The following NEGR1 variants were observed in gnomAD, a reference collection of about 807,000 sequenced individuals.
NEGR1 encodes the protein IgLON family member 4.
Under a neutral mutation model 40.9 loss-of-function variants are expected in NEGR1, and 10 were observed. That is an observed-to-expected ratio of 0.24 (90% CI 0.15 to 0.42). The LOEUF is 0.42. NEGR1 is among the 10% of genes least tolerant of loss of function. The pLI, the probability that NEGR1 is intolerant of heterozygous loss-of-function variation, is 1.00. For missense variants in NEGR1, 352 were observed against 438.9 expected (o/e 0.80, Z 1.77); for synonymous variants, 185 against 166.8 (o/e 1.11, Z -0.84).
chr1:71,519,726 T>C, intron 6 of NEGR1, among the ~76,000 whole-genome samples: 1 of 66,830 alleles, frequency 1.5e-5, no homozygotes, highest in Admixed American at 1.3e-4. Flanking sequence ...ACTTAGAGTA[T>C]AATAAAAAAA....
At chr1:71,700,037 A>C (rs1378695675) in intron 3 of NEGR1, among the ~76,000 whole-genome samples, 1 of 152,000 alleles carries the variant, frequency 6.6e-6, no homozygotes, top group East Asian at 1.9e-4. Context: ...GCAGTGCGAA[A>C]GCGAACTAAT....
chr1:71,831,837 G>A (rs1033819286), intron 2 of NEGR1, among the ~76,000 whole-genome samples: 2 of 151,774 alleles, frequency 1.3e-5, no homozygotes, highest in African/African-American at 4.8e-5. Context: ...GCAAGAATGA[G>A]CATACTGCTT....
At chr1:71,508,832 T>A (rs1647053216) in intron 6 of NEGR1, among the ~76,000 whole-genome samples, 1 of 152,106 alleles carries the variant, frequency 6.6e-6, no homozygotes, top group Admixed American at 6.5e-5. Flanking sequence ...TAGAATGCAG[T>A]CCTATACTTA....
intron 1 of NEGR1, among the ~76,000 whole-genome samples, chr1:72,063,352 T>C (rs1471542756): frequency 6.6e-6 from 1 of 151,786 alleles, no homozygotes; most frequent in Non-Finnish European, 1.5e-5. Flanking sequence ...GGTTTTGCCA[T>C]TGGAAGTAAT....
In NEGR1 at chr1:71,911,817, A is replaced by G. The variant is rs547979726; in HGVS notation, c.409+23262T>C. Among the ~76,000 whole-genome samples the G allele has an allele frequency of 2.0e-5, 3 of 152,346 alleles. No individual in the cohort carries two copies. The South Asian group carries it at 6.2e-4, about 32-fold the overall frequency. On this transcript the variant is annotated intron_variant, in intron 2 of 6. Transcript: ENST00000357731. ...AATTTAAAGGGTAAGCTTTGTAATT[A>G]GTCTTTAACTTGAGCCTTGGTTTTG...
At chr1:71,593,892 T>C (rs773372954) in intron 5 of NEGR1, among the ~76,000 whole-genome samples, 1 of 152,230 alleles carries the variant, frequency 6.6e-6, no homozygotes, top group Non-Finnish European at 1.5e-5. Flanking sequence ...TCTCTCTCTG[T>C]ATGTTTCTTT....
chr1:71,425,245 A>G (rs1646421522), intron 6 of NEGR1, among the ~76,000 whole-genome samples: 1 of 152,190 alleles, frequency 6.6e-6, no homozygotes, highest in African/African-American at 2.4e-5. Flanking sequence ...GGCTTAAAGC[A>G]TGGAAGAGGT....
chr1:71,884,907 A>G (rs1660683742), intron 2 of NEGR1, among the ~76,000 whole-genome samples: 1 of 152,200 alleles, frequency 6.6e-6, no homozygotes, highest in Non-Finnish European at 1.5e-5. Flanking sequence ...AGGTGTATGA[A>G]ATAATCTGAA....
chr1:71,524,212 C>T (rs987937854), intron 6 of NEGR1, among the ~76,000 whole-genome samples: 2 of 151,434 alleles, frequency 1.3e-5, no homozygotes, highest in Non-Finnish European at 3.0e-5. Context: ...GATTTACTTG[C>T]ATTTATGATT....
chr1:71,558,960 T>C (rs904742563), intron 6 of NEGR1, among the ~76,000 whole-genome samples: 1 of 149,382 alleles, frequency 6.7e-6, no homozygotes, highest in African/African-American at 2.4e-5. Context: ...TATGTATGTA[T>C]ACCAGTGCAT....
intron 6 of NEGR1, among the ~76,000 whole-genome samples, chr1:71,458,378 T>C (rs12126700): frequency 0.3 from 45,532 of 152,146 alleles, 8,334 homozygotes; most frequent in South Asian, 0.44. Context: ...CTTTGCAAAC[T>C]CACATCACTT....
At chr1:71,867,799 G>C (rs1197586999) in intron 2 of NEGR1, among the ~76,000 whole-genome samples, 1 of 152,036 alleles carries the variant, frequency 6.6e-6, no homozygotes, top group Non-Finnish European at 1.5e-5. Context: ...CTCTTAACAT[G>C]ATAGTTACTT....
chr1:72,216,402 C>CATATATATATATATACATAT (rs56767155), intron 1 of NEGR1, among the ~76,000 whole-genome samples: 1 of 119,542 alleles, frequency 8.4e-6, no homozygotes, highest in African/African-American at 3.2e-5. Flanking sequence ...TATATATATA[C>CATATATATATATATACATAT]ATATATATAT....
intron 1 of NEGR1, among the ~76,000 whole-genome samples, chr1:71,991,246 T>A (rs1175468627): frequency 6.6e-6 from 1 of 152,158 alleles, no homozygotes; most frequent in Non-Finnish European, 1.5e-5. Flanking sequence ...CAGTTAGCTC[T>A]CAAGTTGCAT....
At chr1:71,824,357 TA>T (rs200928785) in intron 2 of NEGR1, among the ~76,000 whole-genome samples, 1,484 of 143,248 alleles carry the variant, frequency 0.01, 17 homozygotes, top group East Asian at 0.047. Context: ...GATAAGATCA[TA>T]AAAAAAAAAA....
chr1:71,927,502 T>C (rs2101888786), intron 2 of NEGR1, among the ~76,000 whole-genome samples: 1 of 152,248 alleles, frequency 6.6e-6, no homozygotes, highest in African/African-American at 2.4e-5. Flanking sequence ...GGAAATAATC[T>C]TGCTAAAGTC....
intron 1 of NEGR1, among the ~76,000 whole-genome samples, chr1:72,104,194 C>G (rs1006251754): frequency 2.0e-5 from 3 of 151,966 alleles, no homozygotes; most frequent in African/African-American, 7.2e-5. Flanking sequence ...TGTCCTAATC[C>G]CTAGAACTTT....
intron 2 of NEGR1, among the ~76,000 whole-genome samples, chr1:71,819,321 T>C (rs1007797959): frequency 6.6e-6 from 1 of 151,946 alleles, no homozygotes; most frequent in Non-Finnish European, 1.5e-5. Context: ...AATCCAGTTA[T>C]GCATCAGCTA....
intron 1 of NEGR1, among the ~76,000 whole-genome samples, chr1:72,219,514 T>G (rs1391002322): frequency 6.6e-6 from 1 of 152,052 alleles, no homozygotes; most frequent in Non-Finnish European, 1.5e-5. Flanking sequence ...AATTCCACTC[T>G]GAGTTATATC....
Sources: allele counts gnomAD v4.1 joint callset (sites outside exome capture counted in the v4.1 genomes callset), GRCh38; gene constraint gnomAD v4.1.1; transcripts MANE v1.5; gene names NCBI Gene and HGNC (gene_info 2026-07-23, HGNC 2026-07-21).